CSMD3: variants seen among roughly 807,000 people sequenced by gnomAD.
The protein encoded by CSMD3 is CUB and Sushi multiple domains 3.
A neutral mutation model predicts 435.2 loss-of-function variants in CSMD3; 177 were observed. The ratio of observed to expected loss-of-function variants is 0.41; its 90% CI spans 0.36 to 0.46. The LOEUF is 0.46. CSMD3 is among the 20% of genes least tolerant of loss of function. CSMD3 has a pLI of 0.34. For synonymous variants in CSMD3, 1,656 were observed against 1,520.5 expected, an observed-to-expected ratio of 1.09 and a Z score of -2.07; for missense variants, 4,265 against 4,504.6, an observed-to-expected ratio of 0.95 and a Z score of 1.52.
chr8:113,110,324 T>C (rs1337740981), intron 4 of CSMD3, among the ~76,000 whole-genome samples: 1 of 152,200 alleles, frequency 6.6e-6, no homozygotes, highest in Admixed American at 6.5e-5. Flanking sequence ...TATTTTATTA[T>C]AAGCTTCAAG....
At chr8:113,422,138 T>C (rs187128634) in intron 1 of CSMD3, among the ~76,000 whole-genome samples, 1 of 152,250 alleles carries the variant, frequency 6.6e-6, no homozygotes, top group African/African-American at 2.4e-5. Context: ...ATGAAGAGGG[T>C]ATTTAAGCCT....
chr8:112,332,185 T>C (rs1824129832), intron 45 of CSMD3, among the ~76,000 whole-genome samples: 2 of 152,092 alleles, frequency 1.3e-5, no homozygotes, highest in African/African-American at 4.8e-5. Flanking sequence ...GTCAATAAAC[T>C]CCTAAGGCTT....
At position 113,153,109 on chromosome 8, in the gene CSMD3, G is replaced by GAA. The variant is rs770213903; in HGVS notation, c.709+20611_709+20612dup. On this transcript the variant is annotated intron_variant, in intron 4 of 70. Coordinates refer to ENST00000297405, the MANE Select transcript of CSMD3 (RefSeq NM_198123.2). ...GAAAGAAAGAAAGAAAGAAAAGAAA[G>GAA]AAAGAAAGAAAGAAAGAGAAAGAAG... Among the ~76,000 whole-genome samples the GAA allele has an allele frequency of 4.0e-5, 4 of 99,648 alleles. No homozygotes were observed. In the East Asian group the frequency reaches 8.2e-4, roughly 20 times the overall value. 65.4% of individuals were successfully genotyped at this position (99,648 alleles called of 152,430 possible). A position where few individuals can be genotyped will look rare whatever the true frequency, so the allele number is the denominator to read the frequency against.
chr8:112,530,185 C>T (rs1825384198), intron 27 of CSMD3, among the ~76,000 whole-genome samples: 1 of 152,124 alleles, frequency 6.6e-6, no homozygotes, highest in African/African-American at 2.4e-5. Context: ...CCAATATTTA[C>T]ATTATGAGAG....
intron 1 of CSMD3, among the ~76,000 whole-genome samples, chr8:113,339,105 A>G (rs1007479059): frequency 6.6e-6 from 1 of 151,922 alleles, no homozygotes; most frequent in Non-Finnish European, 1.5e-5. Context: ...TATCCATATA[A>G]CAGAATAATA....
chr8:113,277,961 T>C (rs1292219026), intron 3 of CSMD3, among the ~76,000 whole-genome samples: 1 of 151,950 alleles, frequency 6.6e-6, no homozygotes, highest in African/African-American at 2.4e-5. Context: ...CAAACGATAT[T>C]TTCCTAGTGA....
intron 37 of CSMD3, among the ~76,000 whole-genome samples, chr8:112,382,153 A>G (rs1173789131): frequency 6.6e-6 from 1 of 151,952 alleles, no homozygotes; most frequent in Non-Finnish European, 1.5e-5. Flanking sequence ...GGGTTGTGGT[A>G]TGTGACTGCA....
chr8:112,612,399 C>T (rs1833326401), intron 22 of CSMD3, among the ~76,000 whole-genome samples: 1 of 152,194 alleles, frequency 6.6e-6, no homozygotes, highest in Non-Finnish European at 1.5e-5. Context: ...TATATTGTAG[C>T]TTTGCATTCT....
intron 13 of CSMD3, among the ~76,000 whole-genome samples, chr8:112,783,289 A>G (rs968993785): frequency 5.9e-5 from 9 of 151,680 alleles, no homozygotes; most frequent in Middle Eastern, 3.2e-3. Context: ...ATAAGATATT[A>G]TTTCCACATC....
intron 32 of CSMD3, among the ~76,000 whole-genome samples, chr8:112,414,671 G>T (rs1388473207): frequency 6.6e-6 from 1 of 152,068 alleles, no homozygotes; most frequent in Non-Finnish European, 1.5e-5. Flanking sequence ...AGTTTTGAGG[G>T]CTCAGAAGAC....
At chr8:112,748,161 A>G (rs2077484033) in intron 13 of CSMD3, among the ~76,000 whole-genome samples, 1 of 152,086 alleles carries the variant, frequency 6.6e-6, no homozygotes, top group Admixed American at 6.5e-5. Context: ...TCTAAGAGTG[A>G]GAAAGAGGAG....
At chr8:113,315,508 C>G (rs943190222) in intron 1 of CSMD3, among the ~76,000 whole-genome samples, 1 of 151,484 alleles carries the variant, frequency 6.6e-6, no homozygotes, top group Admixed American at 6.6e-5. Flanking sequence ...GTCTAAGTTA[C>G]TGAGAGCATG....
intron 5 of CSMD3, among the ~76,000 whole-genome samples, chr8:113,085,956 G>T (rs748359797): frequency 6.6e-6 from 1 of 151,834 alleles, no homozygotes; most frequent in African/African-American, 2.4e-5. Flanking sequence ...AGAGCCAACC[G>T]GCTGGGTGCA....
At chr8:112,880,301 G>T (rs2081411174) in intron 10 of CSMD3, among the ~76,000 whole-genome samples, 1 of 151,990 alleles carries the variant, frequency 6.6e-6, no homozygotes, top group Non-Finnish European at 1.5e-5. Flanking sequence ...GACTTAGAAT[G>T]TTTCAATGCA....
chr8:112,780,754 TG>T (rs1383609905), intron 13 of CSMD3, among the ~76,000 whole-genome samples: 2 of 152,010 alleles, frequency 1.3e-5, no homozygotes, highest in Non-Finnish European at 2.9e-5. Context: ...CTGGTGTCCA[TG>T]GAGGAAACAT....
At chr8:113,413,225 A>C (rs1390027665) in intron 1 of CSMD3, among the ~76,000 whole-genome samples, 1 of 152,084 alleles carries the variant, frequency 6.6e-6, no homozygotes, top group East Asian at 1.9e-4. Context: ...AGTTGAAATT[A>C]TTTCTCTTTT....
chr8:112,837,198 T>C (rs1696655363), intron 11 of CSMD3, among the ~76,000 whole-genome samples: 1 of 151,848 alleles, frequency 6.6e-6, no homozygotes, highest in Non-Finnish European at 1.5e-5. Context: ...ACAAGTTCTT[T>C]TGTATTTCAT....
chr8:113,346,337 A>C (rs1204555243), intron 1 of CSMD3, among the ~76,000 whole-genome samples: 1 of 152,126 alleles, frequency 6.6e-6, no homozygotes, highest in Non-Finnish European at 1.5e-5. Flanking sequence ...TAAGAAATGC[A>C]AACCTAATTT....
chr8:113,235,628 G>T (rs60488095), intron 3 of CSMD3, among the ~76,000 whole-genome samples: 18,689 of 152,016 alleles, frequency 0.12, 1,969 homozygotes, highest in African/African-American at 0.29. Context: ...AGAGAGAGCT[G>T]GTAAAGCATT....
Sources: allele counts gnomAD v4.1 joint callset (sites outside exome capture counted in the v4.1 genomes callset), GRCh38; gene constraint gnomAD v4.1.1; transcripts MANE v1.5; gene names NCBI Gene and HGNC (gene_info 2026-07-23, HGNC 2026-07-21).